The following FRMPD4 variants were observed in gnomAD, a reference collection of about 807,000 sequenced individuals.
FRMPD4 encodes FERM and PDZ domain containing 4, also known as FERM and PDZ domain-containing protein 4.
Under a neutral mutation model 94.1 loss-of-function variants are expected in FRMPD4, and 22 were observed. The ratio of observed to expected loss-of-function variants is 0.23; its 90% CI spans 0.17 to 0.33. The LOEUF is 0.33. Among genes scored for constraint, FRMPD4 ranks in the 10% least tolerant of loss-of-function variants. The pLI, the probability that FRMPD4 is intolerant of heterozygous loss-of-function variation, is 1.00. For synonymous variants in FRMPD4, 631 were observed against 548.6 expected (o/e 1.15, Z -2.10); for missense variants, 1,111 against 1,339.9 (o/e 0.83, Z 2.67).
intron 3 of FRMPD4, among the ~76,000 whole-genome samples, chrX:11,888,636 T>G (rs2053858771): frequency 8.9e-6 from 1 of 111,902 alleles, no homozygotes; most frequent in Non-Finnish European, 1.9e-5. Flanking sequence ...TTGGAGATAT[T>G]GCAGGTTGGT....
intron 2 of FRMPD4, among the ~76,000 whole-genome samples, chrX:12,565,035 G>A (rs1307534897): frequency 5.5e-5 from 6 of 108,794 alleles, no homozygotes; most frequent in Non-Finnish European, 7.6e-5. Context: ...TGCAGTGAGC[G>A]GAGATCGTGC....
At chrX:12,458,634 G>T (rs182142883) in intron 1 of FRMPD4, among the ~76,000 whole-genome samples, 1 of 111,671 alleles carries the variant, frequency 9.0e-6, no homozygotes, top group Admixed American at 9.5e-5. Context: ...GGTTCCAAGA[G>T]GGTGAAAACA....
At chrX:11,964,152 TTTTG>T (rs1207628225) in intron 3 of FRMPD4, among the ~76,000 whole-genome samples, 3 of 106,849 alleles carry the variant, frequency 2.8e-5, no homozygotes, top group African/African-American at 6.8e-5. Flanking sequence ...TCAGTGCTTT[TTTTG>T]TTGTTGTTGT....
intron 3 of FRMPD4, among the ~76,000 whole-genome samples, chrX:11,994,333 T>C (rs1229874051): frequency 9.0e-6 from 1 of 111,334 alleles, no homozygotes; most frequent in Non-Finnish European, 1.9e-5. Flanking sequence ...GATGTTATTT[T>C]TTCCCAAAAT....
chrX:11,835,082 T>C (rs866646359), intron 1 of FRMPD4, among the ~76,000 whole-genome samples: 2 of 111,740 alleles, frequency 1.8e-5, no homozygotes, highest in African/African-American at 6.5e-5. Context: ...TGGGAGAATA[T>C]AACCTTAGCA....
chrX:12,546,675 G>A (rs1174400386), intron 2 of FRMPD4, among the ~76,000 whole-genome samples: 1 of 111,403 alleles, frequency 9.0e-6, no homozygotes, highest in Non-Finnish European at 1.9e-5. Context: ...TATAGCTGTA[G>A]TTGGGAATAC....
chrX:12,357,131 G>T (rs143678187), intron 1 of FRMPD4, among the ~76,000 whole-genome samples: 1 of 111,655 alleles, frequency 9.0e-6, no homozygotes, highest in Non-Finnish European at 1.9e-5. Context: ...CATACTTGGG[G>T]TATTGATGTT....
intron 3 of FRMPD4, among the ~76,000 whole-genome samples, chrX:12,096,459 T>C (rs964978233): frequency 8.9e-6 from 1 of 111,999 alleles, no homozygotes; most frequent in African/African-American, 3.2e-5. Flanking sequence ...TTACCCAATA[T>C]ATTTTCTACT....
chrX:11,964,564 G>A (rs1256820471), intron 3 of FRMPD4, among the ~76,000 whole-genome samples: 2 of 111,710 alleles, frequency 1.8e-5, no homozygotes, highest in African/African-American at 3.3e-5. Context: ...GTCCTGTCTG[G>A]GAACTGCCAA....
At chrX:11,851,175 C>A (rs1601804569) in intron 1 of FRMPD4, among the ~76,000 whole-genome samples, 1 of 111,437 alleles carries the variant, frequency 9.0e-6, no homozygotes, top group South Asian at 3.8e-4. Flanking sequence ...GAAGATCAGT[C>A]GTTTTCATGA....
intron 1 of FRMPD4, among the ~76,000 whole-genome samples, chrX:12,225,094 C>T (rs1481235281): frequency 9.0e-6 from 1 of 111,723 alleles, no homozygotes. Flanking sequence ...TATGCTAAGT[C>T]AAAATTCCTC....
At chrX:12,262,431 C>T (rs2054203916) in intron 1 of FRMPD4, among the ~76,000 whole-genome samples, 1 of 111,092 alleles carries the variant, frequency 9.0e-6, no homozygotes, top group Non-Finnish European at 1.9e-5. Flanking sequence ...TAAAGTTTGC[C>T]AATCCCTGGT....
chrX:12,227,138 G>T (rs1159212308), intron 1 of FRMPD4, among the ~76,000 whole-genome samples: 1 of 111,176 alleles, frequency 9.0e-6, no homozygotes, highest in Non-Finnish European at 1.9e-5. Flanking sequence ...AAAGCGAGTG[G>T]CTATGGCACA....
At chrX:11,872,917 C>G (rs918056773) in intron 2 of FRMPD4, among the ~76,000 whole-genome samples, 1 of 112,214 alleles carries the variant, frequency 8.9e-6, no homozygotes, top group Non-Finnish European at 1.9e-5. Context: ...AATTGGAACC[C>G]TTGTGCATTG....
chrX:12,168,825 C>T (rs2056171633), intron 1 of FRMPD4, among the ~76,000 whole-genome samples: 1 of 110,592 alleles, frequency 9.0e-6, no homozygotes, highest in Admixed American at 9.6e-5. Flanking sequence ...CGGGGTTTCA[C>T]CAGGTTAGCC....
chrX:12,481,950 A>AAATAAAAAAAAAAAT (rs2057688992), intron 1 of FRMPD4, among the ~76,000 whole-genome samples: 2 of 88,370 alleles, frequency 2.3e-5, no homozygotes, highest in Non-Finnish European at 4.5e-5. Context: ...CTCAAAAAAA[A>AAATAAAAAAAAAAAT]AAAAAAAAAA....
chrX:12,325,226 G>C (rs899175398), intron 1 of FRMPD4, among the ~76,000 whole-genome samples: 1 of 112,071 alleles, frequency 8.9e-6, no homozygotes, highest in Non-Finnish European at 1.9e-5. Flanking sequence ...TACTGAAAAC[G>C]TAGAGTCTAA....
At chrX:12,388,167 G>A (rs1162407646) in intron 1 of FRMPD4, among the ~76,000 whole-genome samples, 1 of 111,133 alleles carries the variant, frequency 9.0e-6, no homozygotes, top group East Asian at 2.8e-4. Flanking sequence ...CTTGGCAAAA[G>A]TGTTAGTTAC....
At chrX:11,840,901 C>A (rs1265731020) in intron 1 of FRMPD4, among the ~76,000 whole-genome samples, 14 of 84,504 alleles carry the variant, frequency 1.7e-4, no homozygotes, top group Non-Finnish European at 2.7e-4. Flanking sequence ...CCCCTCCCCC[C>A]ACCCTACAAC....
Sources: allele counts gnomAD v4.1 joint callset (sites outside exome capture counted in the v4.1 genomes callset), GRCh38; gene constraint gnomAD v4.1.1; transcripts MANE v1.5; gene names NCBI Gene and HGNC (gene_info 2026-07-23, HGNC 2026-07-21).